The following AFAP1 variants were observed in gnomAD, a reference collection of about 807,000 sequenced individuals.
AFAP1 encodes actin filament-associated protein 1.
A neutral mutation model predicts 93.9 loss-of-function variants in AFAP1; 75 were observed. The observed-to-expected ratio is 0.80, with a 90% confidence interval of 0.66 to 0.97. AFAP1 has a LOEUF of 0.97. Among genes scored for constraint, AFAP1 ranks in the 50% least tolerant of loss-of-function variants. The pLI, the probability that AFAP1 is intolerant of heterozygous loss-of-function variation, is 0.00. For synonymous variants in AFAP1, 517 were observed against 430.7 expected (o/e 1.20, Z -2.48); for missense variants, 1,201 against 1,050.8 (o/e 1.14, Z -1.98).
At chr4:7,896,541 C>G (rs141476000) in intron 1 of AFAP1, among the ~76,000 whole-genome samples, 2 of 150,106 alleles carry the variant, frequency 1.3e-5, no homozygotes, top group Non-Finnish European at 3.0e-5. Context: ...TCACTCCCCC[C>G]ACACCCAGGG....
At chr4:7,896,920 C>A (rs1027895809) in intron 1 of AFAP1, among the ~76,000 whole-genome samples, 6 of 152,062 alleles carry the variant, frequency 3.9e-5, no homozygotes, top group Admixed American at 6.5e-5. Flanking sequence ...CGGTGTGACA[C>A]GGTGTATCTA....
At chr4:7,916,845 G>T (rs1033512831) in intron 1 of AFAP1, among the ~76,000 whole-genome samples, 46 of 152,176 alleles carry the variant, frequency 3.0e-4, no homozygotes, top group African/African-American at 1.1e-3. Flanking sequence ...CCTTGCACTA[G>T]GGGCCCAGGG....
At chr4:7,896,882 A>G (rs1187699381) in intron 1 of AFAP1, among the ~76,000 whole-genome samples, 1 of 145,536 alleles carries the variant, frequency 6.9e-6, no homozygotes, top group Non-Finnish European at 1.5e-5. Flanking sequence ...ACCGCCCGGC[A>G]GCACATGATG....
intron 8 of AFAP1, among the ~76,000 whole-genome samples, chr4:7,810,620 G>C (rs1418466326): frequency 6.6e-6 from 1 of 152,212 alleles, no homozygotes; most frequent in Admixed American, 6.5e-5. Flanking sequence ...CTCATATTCG[G>C]TTTAGCCAGG....
chr4:7,866,430 A>G (rs1716406749), intron 3 of AFAP1, among the ~76,000 whole-genome samples: 1 of 152,172 alleles, frequency 6.6e-6, no homozygotes, highest in Non-Finnish European at 1.5e-5. Flanking sequence ...TCCTGAGCTC[A>G]GGCGATCCAC....
rs547067718 is a variant in AFAP1, at chr4:7,928,125, C to T, written c.-3+11531G>A. The stretch of plus-strand genomic sequence containing the variant: ...CTGCTTCAAAGCCCAGTGTTCCTCA[C>T]GTAATAGCAATGCATTCTTCAACCG... On this transcript the variant is annotated intron_variant, in intron 1 of 17. Transcript: ENST00000420658. Among the ~76,000 whole-genome samples, 16 of 152,282 alleles carry T rather than the reference C, an allele frequency of 1.1e-4. 1 individual carries two copies. In the Middle Eastern group the frequency reaches 0.014, roughly 130 times the overall value.
chr4:7,936,396 G>A lies in AFAP1; in HGVS notation c.-3+3260C>T, dbSNP rs75164464. On this transcript the variant is annotated intron_variant, in intron 1 of 17. Transcript: ENST00000420658. ...ACTGGAGTGCAGTAGCATGATTATAGCTCACTGCAGTCTCTAATCTTGGGC... is the reference window on the plus strand; with the variant it reads ...ACTGGAGTGCAGTAGCATGATTATAACTCACTGCAGTCTCTAATCTTGGGC... Among the ~76,000 whole-genome samples, 89 of 151,584 alleles carry A rather than the reference G, an allele frequency of 5.9e-4. 1 individual carries two copies. In the East Asian group the frequency reaches 0.015, roughly 26 times the overall value.
chr4:7,794,454 C>G (rs748350554), intron 10 of AFAP1, among the ~76,000 whole-genome samples: 9 of 152,198 alleles, frequency 5.9e-5, no homozygotes, highest in Non-Finnish European at 1.2e-4. Context: ...TCCATTTGGT[C>G]TGCTTAATTT....
chr4:7,814,911 C>G (rs1313192932), intron 8 of AFAP1, among the ~76,000 whole-genome samples: 1 of 152,164 alleles, frequency 6.6e-6, no homozygotes, highest in Admixed American at 6.5e-5. Context: ...ATTTCTGTCT[C>G]CAGAAAGCTG....
chr4:7,820,893 C>T (rs1346395810), intron 6 of AFAP1, among the ~76,000 whole-genome samples: 12 of 152,030 alleles, frequency 7.9e-5, no homozygotes, highest in Non-Finnish European at 1.6e-4. Flanking sequence ...CTGAGGTGGG[C>T]GGATCACCAG....
intron 11 of AFAP1, among the ~76,000 whole-genome samples, chr4:7,792,309 G>A (rs1039481418): frequency 6.6e-6 from 1 of 151,974 alleles, no homozygotes; most frequent in African/African-American, 2.4e-5. Context: ...GACTTCTGCC[G>A]ATCTTTCAAA....
intron 1 of AFAP1, among the ~76,000 whole-genome samples, chr4:7,912,209 T>C (rs192027545): frequency 3.9e-5 from 6 of 152,326 alleles, no homozygotes; most frequent in Admixed American, 3.3e-4. Context: ...TGCTGAGTGG[T>C]GTCCGGGCTG....
At chr4:7,882,726 G>T (rs948177612) in intron 1 of AFAP1, among the ~76,000 whole-genome samples, 1 of 152,176 alleles carries the variant, frequency 6.6e-6, no homozygotes, top group Non-Finnish European at 1.5e-5. Flanking sequence ...GGGCGTGGTG[G>T]CACGTGCTTG....
rs114822511 is a variant in AFAP1, at chr4:7,909,550, C to T, written c.-3+30106G>A. Among the ~76,000 whole-genome samples the T allele has an allele frequency of 7.1e-3, 1,076 of 152,206 alleles. 8 individuals are homozygous for T. Among genetic ancestry groups the T allele is most frequent in the African/African-American group, 0.023 (940 of 41,490 alleles). ...TAGAGATCGGAATAGAGTGAATAAC[C>T]GGCAAATATACTTCACGGCAGGTAG... On this transcript the variant is annotated intron_variant, in intron 1 of 17. Transcript: ENST00000420658.
At chr4:7,824,935 T>C (rs1721294777) in intron 6 of AFAP1, among the ~76,000 whole-genome samples, 1 of 152,192 alleles carries the variant, frequency 6.6e-6, no homozygotes, top group East Asian at 1.9e-4. Flanking sequence ...TTTCCAAAGC[T>C]GTGTTTCAAA....
chr4:7,793,659 T>C (rs747217349), intron 11 of AFAP1, 22 bp downstream of exon 11: 2 of 1,492,774 alleles, frequency 1.3e-6, no homozygotes, highest in Non-Finnish European at 9.1e-7. Context: ...GTGGTGCCAT[T>C]TCACATGGCA....
At position 7,804,838 on chromosome 4, in the gene AFAP1, A is replaced by G. The variant is rs574379991; in HGVS notation, c.1055-4185T>C. On this transcript the variant is annotated intron_variant, in intron 9 of 17. Coordinates refer to ENST00000420658, the MANE Select transcript of AFAP1 (RefSeq NM_001134647.2). Reference sequence around the variant, plus strand: ...TCTTAGCAAGTATTTGTTTCTGATCAGCTAGGAGGAGAGGGGCCTGCAAGA... The same window carrying G: ...TCTTAGCAAGTATTTGTTTCTGATCGGCTAGGAGGAGAGGGGCCTGCAAGA... Among the ~76,000 whole-genome samples, 25 of 152,330 alleles carry G rather than the reference A, an allele frequency of 1.6e-4. No individual in the cohort carries two copies. In the East Asian group the frequency reaches 3.9e-3, roughly 24 times the overall value.
intron 1 of AFAP1, among the ~76,000 whole-genome samples, chr4:7,898,194 G>C (rs1040789375): frequency 6.6e-6 from 1 of 152,116 alleles, no homozygotes; most frequent in African/African-American, 2.4e-5. Context: ...TGGATCACCA[G>C]AGGTCAGGAG....
chr4:7,841,248 G>A (rs1712973165), intron 5 of AFAP1, among the ~76,000 whole-genome samples: 1 of 152,200 alleles, frequency 6.6e-6, no homozygotes, highest in Admixed American at 6.5e-5. Context: ...TGAGAGCTCT[G>A]GGGCTGGAAG....
Sources: allele counts gnomAD v4.1 joint callset (sites outside exome capture counted in the v4.1 genomes callset), GRCh38; gene constraint gnomAD v4.1.1; transcripts MANE v1.5; gene names NCBI Gene and HGNC (gene_info 2026-07-23, HGNC 2026-07-21).